The following GSE1 variants were observed in gnomAD, a reference collection of about 807,000 sequenced individuals.
The protein encoded by GSE1 is genetic suppressor element 1.
Under a neutral mutation model 112.6 loss-of-function variants are expected in GSE1, and 32 were observed. That is an observed-to-expected ratio of 0.28 (90% CI 0.21 to 0.38). GSE1 has a LOEUF of 0.38. GSE1 is among the 10% of genes least tolerant of loss of function. The pLI is 1.00. For synonymous variants in GSE1, 1,115 were observed against 735.6 expected, an observed-to-expected ratio of 1.52 and a Z score of -8.35; for missense variants, 2,348 against 1,699.2, an observed-to-expected ratio of 1.38 and a Z score of -6.71.
At chr16:85,629,823 G>C (rs888567937) in intron 1 of GSE1, among the ~76,000 whole-genome samples, 34 of 152,332 alleles carry the variant, frequency 2.2e-4, no homozygotes, top group African/African-American at 8.2e-4. Flanking sequence ...GATTGAGGGG[G>C]CGGCCTGGAT....
At chr16:85,453,343 G>A (rs1199761865) in intron 2 of GSE1, among the ~76,000 whole-genome samples, 1 of 152,142 alleles carries the variant, frequency 6.6e-6, no homozygotes. Flanking sequence ...GTGCATGGAC[G>A]CAGTGTGTAC....
At chr16:85,663,742 C>CCTCCCGG (rs1234796412) in intron 11 of GSE1, 128 bp downstream of exon 11, 3 of 908,190 alleles carry the variant, frequency 3.3e-6, no homozygotes, top group African/African-American at 3.3e-5. Context: ...CCCCTTTACT[C>CCTCCCGG]CTCCCGGCTC....
At chr16:85,627,912 C>T (rs1258679254) in intron 1 of GSE1, among the ~76,000 whole-genome samples, 7 of 152,242 alleles carry the variant, frequency 4.6e-5, no homozygotes, top group African/African-American at 1.7e-4. Flanking sequence ...CCTGCACTGA[C>T]CTCAGCCAGA....
intron 1 of GSE1, among the ~76,000 whole-genome samples, chr16:85,312,163 G>C (rs1437589581): frequency 7.4e-6 from 1 of 135,234 alleles, no homozygotes; most frequent in African/African-American, 3.0e-5. Flanking sequence ...GCCCAGCTCA[G>C]AGAACATTGC....
chr16:85,362,435 T>C (rs1268184752), intron 2 of GSE1, among the ~76,000 whole-genome samples: 4 of 152,166 alleles, frequency 2.6e-5, no homozygotes, highest in Non-Finnish European at 4.4e-5. Flanking sequence ...TGGTTGGTGA[T>C]AGGAGGGAGG....
At chr16:85,485,760 G>A (rs1197022041) in intron 2 of GSE1, among the ~76,000 whole-genome samples, 1 of 152,226 alleles carries the variant, frequency 6.6e-6, no homozygotes, top group Admixed American at 6.5e-5. Flanking sequence ...CGCTCCTGGG[G>A]AGCCTGATGC....
upstream of GSE1, among the ~76,000 whole-genome samples, chr16:85,551,740 G>T (rs552403542): frequency 2.6e-5 from 4 of 152,364 alleles, no homozygotes; most frequent in Admixed American, 1.3e-4. Flanking sequence ...GCCAAAGGAG[G>T]CTGGGCTATC....
At chr16:85,539,446 G>A (rs1056003744) in intron 2 of GSE1, among the ~76,000 whole-genome samples, 3 of 152,224 alleles carry the variant, frequency 2.0e-5, no homozygotes, top group Non-Finnish European at 4.4e-5. Context: ...GCTAATTGCA[G>A]GCACCAAAAT....
At chr16:85,253,199 G>A (rs1395085156) in intron 1 of GSE1, among the ~76,000 whole-genome samples, 4 of 151,998 alleles carry the variant, frequency 2.6e-5, no homozygotes, top group African/African-American at 7.2e-5. Context: ...CAGAGAAGGC[G>A]CCAAGGCCTG....
At chr16:85,263,461 G>T (rs1907921275) in intron 1 of GSE1, among the ~76,000 whole-genome samples, 1 of 152,118 alleles carries the variant, frequency 6.6e-6, no homozygotes, top group African/African-American at 2.4e-5. Flanking sequence ...GCTGCAGTTT[G>T]AGAATCCCTG....
intron 2 of GSE1, among the ~76,000 whole-genome samples, chr16:85,485,786 T>TGGCA (rs60767047): frequency 0.069 from 10,438 of 152,192 alleles, 1,149 homozygotes; most frequent in African/African-American, 0.23. Flanking sequence ...TCCCTAGGGA[T>TGGCA]GGCAGGCAGG....
At chr16:85,426,215 A>ATGGT (rs1490699151) in intron 2 of GSE1, among the ~76,000 whole-genome samples, 1 of 147,068 alleles carries the variant, frequency 6.8e-6, no homozygotes, top group African/African-American at 2.5e-5. Flanking sequence ...GGATGGATGG[A>ATGGT]TGGATGGTAG....
intron 2 of GSE1, among the ~76,000 whole-genome samples, chr16:85,635,205 G>C (rs571417827): frequency 2.1e-3 from 321 of 152,272 alleles, no homozygotes; most frequent in African/African-American, 7.4e-3. Flanking sequence ...GTTGGAGAAT[G>C]GGGGGAGTGT....
At chr16:85,636,479 C>T (rs932664769) in intron 2 of GSE1, among the ~76,000 whole-genome samples, 5 of 152,212 alleles carry the variant, frequency 3.3e-5, no homozygotes, top group African/African-American at 9.7e-5. Flanking sequence ...ACTCGTTCCT[C>T]GTGACCTCAG....
At chr16:85,209,142 G>A (rs1448825163) in intron 1 of GSE1, among the ~76,000 whole-genome samples, 3 of 152,220 alleles carry the variant, frequency 2.0e-5, no homozygotes, top group African/African-American at 7.2e-5. Context: ...TGTGTTTACT[G>A]AGTCCAGTGT....
chr16:85,496,218 A>G (rs901275245), intron 2 of GSE1, among the ~76,000 whole-genome samples: 7 of 152,212 alleles, frequency 4.6e-5, no homozygotes, highest in African/African-American at 1.4e-4. Context: ...GGCAATTCCC[A>G]GAACCATCCA....
intron 1 of GSE1, among the ~76,000 whole-genome samples, chr16:85,267,965 C>T (rs1303099575): frequency 6.6e-6 from 1 of 152,156 alleles, no homozygotes; most frequent in East Asian, 1.9e-4. Context: ...TAGCAGTGCC[C>T]ACTTCAGAGG....
intron 7 of GSE1, 117 bp from the exon 8 acceptor site, chr16:85,657,160 G>A (rs528119044): frequency 5.5e-5 from 38 of 690,196 alleles, no homozygotes; most frequent in South Asian, 3.4e-4. Context: ...TTCTGGCTGC[G>A]GGAAGAACCC....
At chr16:85,238,643 T>C (rs1218783140) in intron 1 of GSE1, among the ~76,000 whole-genome samples, 6 of 152,126 alleles carry the variant, frequency 3.9e-5, no homozygotes, top group African/African-American at 1.4e-4. Flanking sequence ...GGGTCGGAGC[T>C]GGGGTAGAGG....
Sources: gnomAD v4.1 joint callset for allele counts (sites outside exome capture counted in the v4.1 genomes callset) on GRCh38, gnomAD v4.1.1 for gene constraint, MANE v1.5 for transcripts, NCBI Gene and HGNC (gene_info 2026-07-23, HGNC 2026-07-21) for gene names.